BRPF3: variants seen among roughly 807,000 people sequenced by gnomAD.
BRPF3 encodes the protein bromodomain and PHD finger-containing protein 3.
Under a neutral mutation model 102.0 loss-of-function variants are expected in BRPF3, and 18 were observed. The ratio of observed to expected loss-of-function variants is 0.18; its 90% confidence interval spans 0.12 to 0.26. The LOEUF is 0.26. BRPF3 is among the 10% of genes least tolerant of loss of function. The pLI is 1.00. For missense variants in BRPF3, 1,147 were observed against 1,567.8 expected, an observed-to-expected ratio of 0.73 and a Z score of 4.53; for synonymous variants, 570 against 614.2, an observed-to-expected ratio of 0.93 and a Z score of 1.06.
At chr6:36,229,333 C>T (rs978198563) in intron 12 of BRPF3, among the ~76,000 whole-genome samples, 2 of 152,248 alleles carry the variant, frequency 1.3e-5, no homozygotes, top group Non-Finnish European at 2.9e-5. Flanking sequence ...AGTTGAACTA[C>T]AGCCCACTTG....
rs138068217 is a variant in BRPF3 at position 36,202,461 on chromosome 6, C to T, written c.1448+691C>T. 1.2e-3 allele frequency among the ~76,000 whole-genome samples: 176 copies of T among 142,406 alleles called. 2 individuals are homozygous for T. The highest frequency in any genetic ancestry group is 4.2e-3 in the African/African-American group (165 of 38,898). The allele number at this position is 142,406 out of a possible 152,430, so 93.4% of individuals were successfully genotyped here. On this transcript the variant is annotated intron_variant, in intron 2 of 12. Transcript: ENST00000357641. ...TGAGTCTGTAGAGAGCCCATGGTACCTGTTTTAAAACATCAGAGAGGTACC... is the reference window on the plus strand; with the variant it reads ...TGAGTCTGTAGAGAGCCCATGGTACTTGTTTTAAAACATCAGAGAGGTACC...
Position 36,200,041 on chromosome 6 carries a change from G to A in BRPF3, c.-26-256G>A, listed in dbSNP as rs939228313. Among the ~76,000 whole-genome samples, 21 of 152,228 alleles carry A rather than the reference G, an allele frequency of 1.4e-4. No homozygotes were observed. The highest frequency in any genetic ancestry group is 5.1e-4 in the African/African-American group (21 of 41,464). ...AAGGGAAAAATAAAGCAGAATGAAA[G>A]GTAGATTGCTGGTGGAGGAAAAGGA... On this transcript the variant is annotated intron_variant, in intron 1 of 12. Transcript: ENST00000357641. The surrounding 1 kb of genome is among the most constrained non-coding windows in gnomAD (Gnocchi z 5.3).
In BRPF3 at chr6:36,204,719, C is replaced by T; in HGVS notation, c.1510C>T (p.His504Tyr). The change falls in exon 3 of 13, where the codon CAC becomes TAC. Residue 504 changes from histidine (H) to tyrosine (Y), a missense_variant. Coordinates refer to ENST00000357641, the MANE Select transcript of BRPF3 (RefSeq NM_015695.3). ...GAAAAACCAGTTTATGCAGCGGCTT[C>T]ACAATTATTGGCTGTTGAAGCGGCA... ...QRKNQFMQRL[H>Y]NYWLLKRQAR... 6.2e-7 allele frequency: 1 copy of T among 1,614,206 alleles called. No individual in the cohort carries two copies. Among genetic ancestry groups the T allele is most frequent in the Non-Finnish European group, 8.5e-7 (1 of 1,180,032 alleles).
At chr6:36,219,557 T>C (rs1173314616) in intron 9 of BRPF3, among the ~76,000 whole-genome samples, 1 of 152,200 alleles carries the variant, frequency 6.6e-6, no homozygotes, top group Non-Finnish European at 1.5e-5. Flanking sequence ...TTTTCAGCTA[T>C]GAGCCACAAG....
At chr6:36,221,728 A>G (rs1768550838) in intron 9 of BRPF3, among the ~76,000 whole-genome samples, 1 of 152,192 alleles carries the variant, frequency 6.6e-6, no homozygotes, top group Non-Finnish European at 1.5e-5. Context: ...ACTTTAGAAA[A>G]TTTGGCAAAG....
rs765553189 is a variant in BRPF3, at chr6:36,204,770, C to T, written c.1561C>T (p.Arg521Trp). Residue 521 changes from arginine (R) to tryptophan (W), a missense_variant, in exon 3 of 13, where the codon CGG becomes TGG. Around this residue, in one of 11 missense-constraint regions of BRPF3, gnomAD observed 37 missense variants for 33.3 expected, o/e 1.11. Coordinates refer to ENST00000357641, the MANE Select transcript of BRPF3 (RefSeq NM_015695.3). ...GGCACGGAATGGTGTCCCTCTTATCCGGCGCTTGCACTCCCATCTGCAGTC... is the reference window on the plus strand; with the variant it reads ...GGCACGGAATGGTGTCCCTCTTATCTGGCGCTTGCACTCCCATCTGCAGTC... ...RQARNGVPLI[R>W]RLHSHLQSQR... 6.2e-6 allele frequency: 10 copies of T among 1,614,102 alleles called. No homozygotes were observed. Among genetic ancestry groups the T allele is most frequent in the Admixed American group, 5.0e-5 (3 of 60,012 alleles).
chr6:36,218,154 C>A, intron 9 of BRPF3, 144 bp downstream of exon 9: 1 of 654,066 alleles, frequency 1.5e-6, no homozygotes, highest in Non-Finnish European at 2.6e-6. Flanking sequence ...TTATCTGTAA[C>A]TCTGGGAGTT....
At chr6:36,224,371 G>A (rs1049238102) in intron 10 of BRPF3, among the ~76,000 whole-genome samples, 2 of 152,152 alleles carry the variant, frequency 1.3e-5, no homozygotes, top group African/African-American at 4.8e-5. Flanking sequence ...GTGTTCAGAA[G>A]CATCTGTGAA....
intron 4 of BRPF3, among the ~76,000 whole-genome samples, chr6:36,208,743 G>C (rs1053596789): frequency 3.1e-4 from 47 of 152,230 alleles, no homozygotes; most frequent in African/African-American, 1.1e-3. Flanking sequence ...AGAGAAGAAG[G>C]CCTGGTCCTG....
Position 36,201,536 on chromosome 6 carries a change from G to T in BRPF3, c.1214G>T (p.Ser405Ile). The T allele has an allele frequency of 6.2e-7, 1 of 1,614,172 alleles. No homozygotes were observed. Among genetic ancestry groups the T allele is most frequent in the Non-Finnish European group, 8.5e-7 (1 of 1,180,008 alleles). Residue 405 changes from serine to isoleucine, a missense_variant, in exon 2 of 13, where the codon AGT (serine) becomes ATT (isoleucine). This residue lies in a region of BRPF3 where 157 missense variants were observed against 163.6 expected (regional missense o/e 0.96). Coordinates refer to ENST00000357641, the MANE Select transcript of BRPF3 (RefSeq NM_015695.3). The surrounding 1 kb of genome is among the most constrained non-coding windows in gnomAD (Gnocchi z 5.1). ...RRKGDSPRSI[S>I]ETGDEEGLKE... is the part of the protein sequence containing the mutation. ...AAGGGCGACTCCCCTAGAAGCATCA[G>T]TGAGACTGGCGATGAGGAAGGGCTG...
intron 2 of BRPF3, chr6:36,204,418 T>G: frequency 1.9e-6 from 1 of 527,370 alleles, no homozygotes; most frequent in Admixed American, 3.2e-5. Flanking sequence ...AGATGGTTCT[T>G]TTGGAGGATT....
intron 4 of BRPF3, among the ~76,000 whole-genome samples, chr6:36,208,381 A>T (rs957060729): frequency 2.6e-5 from 4 of 152,190 alleles, no homozygotes; most frequent in Admixed American, 6.5e-5. Flanking sequence ...CATGCCTGTA[A>T]TCCCTGCATT....
chr6:36,231,130 C>CT lies in BRPF3; in HGVS notation c.*523dup, dbSNP rs1485884665. The CT allele has an allele frequency of 6.5e-6, 1 of 153,516 alleles. No individual in the cohort carries two copies. Among genetic ancestry groups the CT allele is most frequent in the African/African-American group, 2.4e-5 (1 of 41,410 alleles). The allele number at this position is 153,516 out of a possible 1,614,324, so 9.5% of individuals were successfully genotyped here. A position where few individuals can be genotyped will look rare whatever the true frequency, so the allele number is the denominator to read the frequency against. Reference sequence around the variant, plus strand: ...CCATCTTCTGCACCCATTGCCCAGTCTTGCTTTCTCTTTCCCATATTCCTT... The same window carrying CT: ...CCATCTTCTGCACCCATTGCCCAGTCTTTGCTTTCTCTTTCCCATATTCCTT... On this transcript the variant is annotated 3_prime_UTR_variant, in exon 13 of 13. Coordinates refer to ENST00000357641, the MANE Select transcript of BRPF3 (RefSeq NM_015695.3).
intron 10 of BRPF3, 88 bp downstream of exon 10, chr6:36,222,353 C>A: frequency 8.1e-7 from 1 of 1,236,354 alleles, no homozygotes; most frequent in Non-Finnish European, 1.2e-6. Flanking sequence ...GGGCTCCGTA[C>A]CAGGCAGCCA....
intron 8 of BRPF3, among the ~76,000 whole-genome samples, chr6:36,215,091 T>G (rs1054911653): frequency 1.3e-5 from 2 of 152,008 alleles, no homozygotes; most frequent in Non-Finnish European, 1.5e-5. Context: ...GTAGTGGAGG[T>G]TCCATCACTA....
At position 36,204,713 on chromosome 6, in the gene BRPF3, C is replaced by T. The variant is rs757196169; in HGVS notation, c.1504C>T (p.Arg502Trp). The change falls in exon 3 of 13, where the codon CGG (arginine) becomes TGG (tryptophan). Residue 502 changes from arginine to tryptophan, a missense_variant. Physicochemically the swap from Arg to Trp is moderately radical, Grantham distance 101 (BLOSUM62 -3). Around this residue, in one of 11 missense-constraint regions of BRPF3, gnomAD observed 10 missense variants for 30.8 expected, o/e 0.33. Coordinates refer to ENST00000357641, the MANE Select transcript of BRPF3 (RefSeq NM_015695.3). ...SFQRKNQFMQ[R>W]LHNYWLLKRQ... ...TCAGAGGAAAAACCAGTTTATGCAGCGGCTTCACAATTATTGGCTGTTGAA... is the reference window on the plus strand; with the variant it reads ...TCAGAGGAAAAACCAGTTTATGCAGTGGCTTCACAATTATTGGCTGTTGAA... 5.0e-6 allele frequency: 8 copies of T among 1,614,094 alleles called. No homozygotes were observed. The highest frequency in any genetic ancestry group is 1.7e-5 in the Admixed American group (1 of 60,010).
At chr6:36,213,856 G>T in intron 7 of BRPF3, 24 bp from the exon 8 acceptor site, 1 of 1,563,464 alleles carries the variant, frequency 6.4e-7, no homozygotes. Context: ...AAATGTTCAA[G>T]CAGATTCTCT....
intron 9 of BRPF3, among the ~76,000 whole-genome samples, chr6:36,221,117 A>G (rs1213418166): frequency 6.6e-6 from 1 of 152,214 alleles, no homozygotes; most frequent in Non-Finnish European, 1.5e-5. Flanking sequence ...GGTGTACATT[A>G]GAATTGTATG....
chr6:36,222,136 A>G (rs762917834), intron 9 of BRPF3, 32 bp from the exon 10 acceptor site: 1 of 1,547,980 alleles, frequency 6.5e-7, no homozygotes, highest in African/African-American at 1.4e-5. Flanking sequence ...GAAATTGCTC[A>G]TTTCACCCCT....
Sources: allele counts gnomAD v4.1 joint callset (sites outside exome capture counted in the v4.1 genomes callset), GRCh38; gene constraint gnomAD v4.1.1; regional missense constraint gnomAD v4.1.1; non-coding constraint Gnocchi (gnomAD v3.1); transcripts MANE v1.5; gene names NCBI Gene and HGNC (gene_info 2026-07-23, HGNC 2026-07-21).